Variants in NRL observed in about 807,000 individuals in gnomAD.
NRL encodes neural retina-specific leucine zipper protein.
Under a neutral mutation model 12.5 loss-of-function variants are expected in NRL, and 16 were observed. The observed-to-expected ratio is 1.28, with a 90% CI of 0.87 to 1.95. NRL has a LOEUF of 1.95. Among genes scored for constraint, NRL ranks in the 30% most tolerant of loss-of-function variants. The pLI is 0.00. For synonymous variants in NRL, 142 were observed against 150.9 expected (o/e 0.94, Z 0.43); for missense variants, 314 against 325.8 (o/e 0.96, Z 0.28).
chr14:24,086,163 G>A (rs534067214), intron 1 of NRL, among the ~76,000 whole-genome samples: 21 of 152,124 alleles, frequency 1.4e-4, no homozygotes, highest in Non-Finnish European at 2.4e-4. Flanking sequence ...GCAGTGAGCC[G>A]AGATCGTGCC....
At position 24,081,835 on chromosome 14, in the gene NRL, C is replaced by T; in HGVS notation, c.382-267G>A. The T allele has an allele frequency of 1.4e-6, 2 of 1,419,694 alleles. No homozygotes were observed. Among genetic ancestry groups the T allele is most frequent in the South Asian group, 1.4e-5 (1 of 69,670 alleles). 87.9% of individuals were successfully genotyped at this position (1,419,694 alleles called of 1,614,324 possible). A position where few individuals can be genotyped will look rare whatever the true frequency, so the allele number is the denominator to read the frequency against. The stretch of plus-strand genomic sequence containing the variant: ...CACGGTCAGGCGAGCCCGTCGCGCA[C>T]CTAAACCCCGGGCTCGTCTCTGGGA... On this transcript the variant is annotated intron_variant, in intron 2 of 2. Coordinates refer to ENST00000561028, the MANE Select transcript of NRL (RefSeq NM_001354768.3). This position sits in a 1 kb window ranked among gnomAD's most constrained non-coding sequence, Gnocchi z 4.4.
intron 1 of NRL, chr14:24,102,710 G>A (rs544405700): frequency 1.9e-5 from 30 of 1,579,668 alleles, no homozygotes; most frequent in Admixed American, 8.7e-5. Flanking sequence ...GTTGGGGGTC[G>A]ACATGACCTT....
chr14:24,101,186 C>T (rs2037147031), intron 1 of NRL, among the ~76,000 whole-genome samples: 1 of 152,230 alleles, frequency 6.6e-6, no homozygotes, highest in South Asian at 2.1e-4. Context: ...CAGGCTAGTT[C>T]CCCAACCCTT....
intron 1 of NRL, among the ~76,000 whole-genome samples, chr14:24,083,171 C>CT (rs2036372237): frequency 6.6e-6 from 1 of 152,226 alleles, no homozygotes; most frequent in African/African-American, 2.4e-5. Flanking sequence ...TATGGCAGTG[C>CT]TCCCAACCCT....
At position 24,082,448 on chromosome 14, in the gene NRL, C is replaced by A; in HGVS notation, c.381+20G>T. The A allele has an allele frequency of 6.2e-7, 1 of 1,611,904 alleles. No individual in the cohort carries two copies. The highest frequency in any genetic ancestry group is 1.1e-5 in the South Asian group (1 of 91,020). On this transcript the variant is annotated intron_variant, in intron 2 of 2. Coordinates refer to ENST00000561028, the MANE Select transcript of NRL (RefSeq NM_001354768.3). ...CTTCCTTGCCCTGCCTCCCCTCAGG[C>A]CAGCTTGCTGACCACTCACCTGGAC...
chr14:24,102,831 G>A, intron 1 of NRL: 1 of 1,614,056 alleles, frequency 6.2e-7, no homozygotes, highest in Non-Finnish European at 8.5e-7. Flanking sequence ...GACCCAGCCT[G>A]GGAGGCCCCA....
chr14:24,104,657 AC>A (rs2037302940), intron 1 of NRL, among the ~76,000 whole-genome samples: 1 of 150,550 alleles, frequency 6.6e-6, no homozygotes, highest in African/African-American at 2.5e-5. Flanking sequence ...AAAAAACAAA[AC>A]AAAACAAAAC....
rs1034206043 is a variant in NRL, at chr14:24,081,232, C to A, written c.*4G>T. 3.4e-6 allele frequency: 5 copies of A among 1,473,074 alleles called. No individual in the cohort carries two copies. In the East Asian group the frequency reaches 8.4e-5, roughly 25 times the overall value. 91.3% of individuals were successfully genotyped at this position (1,473,074 alleles called of 1,614,324 possible). The stretch of plus-strand genomic sequence containing the variant: ...CCACTACACCACAAGGTGCTCTGAA[C>A]GGCTCAGAGGAAGAGGTGGGAGGGG... On this transcript the variant is annotated 3_prime_UTR_variant, in exon 3 of 3. Coordinates refer to ENST00000561028, the MANE Select transcript of NRL (RefSeq NM_001354768.3). The surrounding 1 kb of genome is among the most constrained non-coding windows in gnomAD (Gnocchi z 4.4).
At chr14:24,102,671 T>G in intron 1 of NRL, 1 of 1,193,752 alleles carries the variant, frequency 8.4e-7, no homozygotes, top group Non-Finnish European at 1.2e-6. Context: ...AAAAGAACCC[T>G]GCAAGAATGT....
chr14:24,098,550 C>T (rs1566576249), intron 1 of NRL: 1 of 1,614,228 alleles, frequency 6.2e-7, no homozygotes, highest in Non-Finnish European at 8.5e-7. Flanking sequence ...GTGCAGCTCA[C>T]TGACTCAGCC....
At chr14:24,088,513 A>G (rs1594261437) in intron 1 of NRL, among the ~76,000 whole-genome samples, 1 of 152,274 alleles carries the variant, frequency 6.6e-6, no homozygotes, top group Non-Finnish European at 1.5e-5. Flanking sequence ...ATTCTGGTGC[A>G]GAACCCTGAG....
At chr14:24,098,105 A>T in intron 1 of NRL, 4 of 983,436 alleles carry the variant, frequency 4.1e-6, no homozygotes, top group Non-Finnish European at 4.5e-6. Flanking sequence ...CATAAGGCCA[A>T]CAGAAGACCT....
chr14:24,104,594 G>A lies in NRL; in HGVS notation c.-28+10128C>T, dbSNP rs56146037. Among the ~76,000 whole-genome samples, 504 of 149,800 alleles carry A rather than the reference G, an allele frequency of 3.4e-3. 5 individuals are homozygous for A. Among genetic ancestry groups the A allele is most frequent in the African/African-American group, 0.012 (477 of 40,574 alleles). ...GCAGAGGTTGCAGTAAACCAAGGTC[G>A]TGCCACTGCACACTCCAGTCTGGGC... On this transcript the variant is annotated intron_variant, in intron 1 of 2. Transcript: ENST00000561028.
chr14:24,100,830 T>G (rs757166424), intron 1 of NRL, among the ~76,000 whole-genome samples: 2 of 152,152 alleles, frequency 1.3e-5, no homozygotes, highest in Non-Finnish European at 2.9e-5. Context: ...CAAAATCAGG[T>G]CAGTGCTTGA....
At chr14:24,103,857 G>A (rs767114732) in intron 1 of NRL, 2 of 1,614,166 alleles carry the variant, frequency 1.2e-6, no homozygotes, top group Admixed American at 1.7e-5. Context: ...CTGGGAACAG[G>A]AGGTTCGTGA....
chr14:24,094,979 C>A lies in NRL; in HGVS notation c.-27-12104G>T. The A allele has an allele frequency of 1.5e-6, 1 of 684,066 alleles. No individual in the cohort carries two copies. The highest frequency in any genetic ancestry group is 2.2e-6 in the Non-Finnish European group (1 of 448,952). The allele number at this position is 684,066 out of a possible 1,614,324, so 42.4% of individuals were successfully genotyped here. A position where few individuals can be genotyped will look rare whatever the true frequency, so the allele number is the denominator to read the frequency against. On this transcript the variant is annotated intron_variant, in intron 1 of 2. Coordinates refer to ENST00000561028, the MANE Select transcript of NRL (RefSeq NM_001354768.3). This position sits in a 1 kb window ranked among gnomAD's most constrained non-coding sequence, Gnocchi z 4.1. ...TCCAGAGCAGCCCGAGGGACCTGGG[C>A]CCAGGGGAGGGAGGCAAGCAAGGTG... is the stretch of plus-strand genomic sequence containing the variant.
intron 1 of NRL, among the ~76,000 whole-genome samples, chr14:24,108,495 C>A (rs1251265889): frequency 2.0e-5 from 3 of 150,976 alleles, no homozygotes; most frequent in Non-Finnish European, 4.4e-5. Context: ...CCACACCTGG[C>A]TAATTTTTTT....
intron 1 of NRL, chr14:24,104,267 C>T (rs1487162871): frequency 5.2e-6 from 2 of 384,190 alleles, no homozygotes; most frequent in Admixed American, 4.0e-5. Flanking sequence ...AGCTCTAGCA[C>T]TGGGTCACAG....
chr14:24,103,752 A>C (rs759471685), intron 1 of NRL: 4 of 1,614,144 alleles, frequency 2.5e-6, no homozygotes, highest in Non-Finnish European at 3.4e-6. Context: ...TGCCCGAGAG[A>C]CACCCATTGG....
Sources: gnomAD v4.1 joint callset for allele counts (sites outside exome capture counted in the v4.1 genomes callset) on GRCh38, gnomAD v4.1.1 for gene constraint, Gnocchi (gnomAD v3.1) non-coding constraint, MANE v1.5 for transcripts, NCBI Gene and HGNC (gene_info 2026-07-23, HGNC 2026-07-21) for gene names.